Variants in CTBP2 observed in about 807,000 individuals in gnomAD.
CTBP2 encodes the protein C-terminal-binding protein 2.
CTBP2 carries 30 observed loss-of-function variants against 80.3 expected under a neutral mutation model. The ratio of observed to expected loss-of-function variants is 0.37; its 90% CI spans 0.28 to 0.51. CTBP2 has a LOEUF of 0.51. Among genes scored for constraint, CTBP2 ranks in the 20% least tolerant of loss-of-function variants. The pLI, the probability that CTBP2 is intolerant of heterozygous loss-of-function variation, is 0.93. For missense variants in CTBP2, 1,212 were observed against 1,375.3 expected (o/e 0.88, Z 1.88); for synonymous variants, 594 against 587.4 (o/e 1.01, Z -0.16).
upstream of CTBP2, among the ~76,000 whole-genome samples, chr10:125,031,572 C>T (rs1349246887): frequency 6.7e-6 from 1 of 150,358 alleles, no homozygotes; most frequent in Non-Finnish European, 1.5e-5. Flanking sequence ...CCCAAAGTAG[C>T]CAAGTTGGCT....
At chr10:125,059,372 G>A (rs755832010) in intron 2 of CTBP2, among the ~76,000 whole-genome samples, 1 of 152,104 alleles carries the variant, frequency 6.6e-6, no homozygotes, top group African/African-American at 2.4e-5. Context: ...CTTGAGGTCA[G>A]GAGTTCAACA....
intron 2 of CTBP2, among the ~76,000 whole-genome samples, chr10:125,084,877 T>A (rs532738539): frequency 6.6e-6 from 1 of 152,230 alleles, no homozygotes; most frequent in Non-Finnish European, 1.5e-5. Flanking sequence ...TCGCCACCTG[T>A]TACTGCCCAG....
chr10:125,038,640 A>C (rs1959130355), intron 3 of CTBP2, among the ~76,000 whole-genome samples: 1 of 152,202 alleles, frequency 6.6e-6, no homozygotes. Flanking sequence ...AAATATCTTA[A>C]TCCAAAACAG....
In CTBP2 at chr10:125,115,168, G is replaced by T. The variant is rs577253128; in HGVS notation, c.-205-4075C>A. Among the ~76,000 whole-genome samples the T allele has an allele frequency of 1.2e-4, 16 of 135,474 alleles. No individual in the cohort carries two copies. In the South Asian group the frequency reaches 2.0e-3, roughly 17 times the overall value. 88.9% of individuals were successfully genotyped at this position (135,474 alleles called of 152,430 possible). A position where few individuals can be genotyped will look rare whatever the true frequency, so the allele number is the denominator to read the frequency against. On this transcript the variant is annotated intron_variant, in intron 1 of 10. Coordinates refer to the CTBP2 transcript ENST00000337195. ...GAGAGCAGAACTTCAGCTCAGCGTG[G>T]GCATATATTAGGGGAGAAGAAAGAC...
intron 1 of CTBP2, among the ~76,000 whole-genome samples, chr10:125,151,859 C>A (rs948893427): frequency 6.6e-6 from 1 of 152,170 alleles, no homozygotes; most frequent in Admixed American, 6.5e-5. Context: ...CGCCCCGGGT[C>A]CGAGCGGCCC....
chr10:125,059,811 G>A (rs892398026), intron 2 of CTBP2, among the ~76,000 whole-genome samples: 2 of 152,096 alleles, frequency 1.3e-5, no homozygotes, highest in Non-Finnish European at 2.9e-5. Context: ...GGCGGAATCT[G>A]TCAGCTTGTC....
chr10:125,007,391 A>G (rs1199111226), intron 1 of CTBP2, among the ~76,000 whole-genome samples: 1 of 152,266 alleles, frequency 6.6e-6, no homozygotes, highest in Non-Finnish European at 1.5e-5. Flanking sequence ...GCTGCAATAA[A>G]TACTTGTGAA....
chr10:125,117,940 G>A (rs755466212), intron 1 of CTBP2, among the ~76,000 whole-genome samples: 2 of 152,138 alleles, frequency 1.3e-5, no homozygotes, highest in Non-Finnish European at 2.9e-5. Flanking sequence ...ATGCCCTCTA[G>A]GCAGAAACTT....
chr10:125,157,457 G>T (rs1425272406), intron 1 of CTBP2, among the ~76,000 whole-genome samples: 1 of 151,150 alleles, frequency 6.6e-6, no homozygotes, highest in Non-Finnish European at 1.5e-5. Context: ...ACAGGAAAAA[G>T]AATTAAACCC....
intron 3 of CTBP2, chr10:125,001,544 T>C (rs1252710750): frequency 6.6e-6 from 1 of 152,156 alleles, no homozygotes; most frequent in East Asian, 1.9e-4. Flanking sequence ...AAGGACGCCG[T>C]GGCTGGTAGC....
At chr10:125,006,026 CGCA>C (rs1402710434) in intron 1 of CTBP2, 22 of 1,414,590 alleles carry the variant, frequency 1.6e-5, no homozygotes, top group Non-Finnish European at 1.9e-5. Context: ...GATGTCCATC[CGCA>C]GCATCATCAG....
chr10:125,114,030 A>C (rs777534242), intron 1 of CTBP2, among the ~76,000 whole-genome samples: 27 of 152,266 alleles, frequency 1.8e-4, no homozygotes, highest in Non-Finnish European at 3.2e-4. Flanking sequence ...TACTTGTTTC[A>C]GCAGATACTT....
intron 2 of CTBP2, among the ~76,000 whole-genome samples, chr10:125,041,512 C>A (rs79522904): frequency 7.9e-4 from 91 of 115,710 alleles, no homozygotes; most frequent in Admixed American, 1.9e-3. Context: ...CCACCCCCCC[C>A]CCCCCCACCC....
At chr10:125,117,434 G>A (rs1853526834) in intron 1 of CTBP2, among the ~76,000 whole-genome samples, 1 of 152,080 alleles carries the variant, frequency 6.6e-6, no homozygotes. Flanking sequence ...CTGCTACCAT[G>A]ACAGCACAGC....
chr10:125,100,552 TAAAC>T (rs1263139968), intron 2 of CTBP2: 1 of 152,244 alleles, frequency 6.6e-6, no homozygotes, highest in African/African-American at 2.4e-5. Flanking sequence ...ATTTAATTTT[TAAAC>T]AAAAATAAAA....
intron 2 of CTBP2, among the ~76,000 whole-genome samples, chr10:125,093,874 A>G (rs1033803527): frequency 6.6e-6 from 1 of 152,184 alleles, no homozygotes; most frequent in Non-Finnish European, 1.5e-5. Flanking sequence ...TGTTTGATTC[A>G]ACTAAATCAT....
chr10:125,096,781 G>T (rs1023039127), intron 2 of CTBP2, among the ~76,000 whole-genome samples: 13 of 149,968 alleles, frequency 8.7e-5, no homozygotes, highest in Admixed American at 7.3e-4. Flanking sequence ...GTGGTTTAAT[G>T]GGGGGGTGGG....
chr10:125,082,591 T>G (rs562041362), intron 2 of CTBP2, among the ~76,000 whole-genome samples: 118 of 138,870 alleles, frequency 8.5e-4, no homozygotes, highest in East Asian at 4.3e-3. Flanking sequence ...GCTTTCCTCT[T>G]TTTTTTTTTT....
intron 3 of CTBP2, among the ~76,000 whole-genome samples, chr10:125,035,230 G>A (rs774242615): frequency 2.0e-4 from 31 of 152,308 alleles, no homozygotes; most frequent in Middle Eastern, 3.4e-3. Context: ...AAACCAGCTT[G>A]TCTCCTTTTT....
Sources: allele counts gnomAD v4.1 joint callset (sites outside exome capture counted in the v4.1 genomes callset), GRCh38; gene constraint gnomAD v4.1.1; transcripts MANE v1.5; gene names NCBI Gene and HGNC (gene_info 2026-07-23, HGNC 2026-07-21).